PTPRD: variants seen among roughly 807,000 people sequenced by gnomAD.
PTPRD encodes receptor-type tyrosine-protein phosphatase delta.
Under a neutral mutation model 214.5 loss-of-function variants are expected in PTPRD, and 34 were observed. The ratio of observed to expected loss-of-function variants is 0.16; its 90% CI spans 0.12 to 0.21. The LOEUF is 0.21. Ranked by LOEUF, PTPRD falls within the 10% of genes least tolerant of loss-of-function variation. The pLI is 1.00. For missense variants in PTPRD, 2,545 were observed against 2,398.7 expected (o/e 1.06, Z -1.27); for synonymous variants, 1,128 against 845.7 (o/e 1.33, Z -5.79).
At chr9:9,411,130 T>C (rs1278394578) in intron 8 of PTPRD, among the ~76,000 whole-genome samples, 3 of 152,230 alleles carry the variant, frequency 2.0e-5, no homozygotes, top group Admixed American at 1.3e-4. Context: ...TGGGTTTCCA[T>C]CAAAATAGAC....
intron 2 of PTPRD, among the ~76,000 whole-genome samples, chr9:10,498,201 G>A (rs569889600): frequency 2.8e-4 from 42 of 151,916 alleles, no homozygotes; most frequent in Non-Finnish European, 4.3e-4. Flanking sequence ...ATGCCACCAC[G>A]GATTCTGATG....
At chr9:8,482,453 T>TTCATCTA (rs2135659668) in intron 30 of PTPRD, among the ~76,000 whole-genome samples, 1 of 152,088 alleles carries the variant, frequency 6.6e-6, no homozygotes, top group East Asian at 2.0e-4. Flanking sequence ...TCTATCCAAA[T>TTCATCTA]TCCAACAATG....
At chr9:9,615,092 C>G (rs1452549911) in intron 7 of PTPRD, among the ~76,000 whole-genome samples, 2 of 152,156 alleles carry the variant, frequency 1.3e-5, no homozygotes, top group Non-Finnish European at 2.9e-5. Context: ...GTCCCAGCAG[C>G]CACTGGCTCA....
chr9:8,346,957 T>A (rs892363112), intron 39 of PTPRD, among the ~76,000 whole-genome samples: 1 of 152,082 alleles, frequency 6.6e-6, no homozygotes, highest in African/African-American at 2.4e-5. Context: ...AGCACTTAGT[T>A]AAGATGAAAA....
chr9:9,728,213 G>A (rs140547380), intron 7 of PTPRD, among the ~76,000 whole-genome samples: 150 of 152,092 alleles, frequency 9.9e-4, no homozygotes, highest in African/African-American at 3.3e-3. Context: ...CCTCTTTTTC[G>A]TTATAAATTA....
chr9:8,867,542 T>C (rs2154546954), intron 11 of PTPRD, among the ~76,000 whole-genome samples: 1 of 152,180 alleles, frequency 6.6e-6, no homozygotes, highest in East Asian at 1.9e-4. Flanking sequence ...TTTTATTTTT[T>C]CCTTTTCCTT....
rs2096928928 is a variant in PTPRD, at chr9:10,340,980, G to C, written c.-562C>G. On this transcript the variant is annotated 5_prime_UTR_variant, in exon 3 of 46. Coordinates refer to ENST00000381196, the MANE Select transcript of PTPRD (RefSeq NM_002839.4). The stretch of plus-strand genomic sequence containing the variant: ...TTACTTACTAGTTGTGTGACTTTGA[G>C]ACAGGTCCTTTACTTCCTTGATTCT... The C allele has an allele frequency of 6.6e-6, 1 of 151,858 alleles. No homozygotes were observed. The highest frequency in any genetic ancestry group is 1.5e-5 in the Non-Finnish European group (1 of 67,886). The allele number at this position is 151,858 out of a possible 1,614,324, so 9.4% of individuals were successfully genotyped here. A position where few individuals can be genotyped will look rare whatever the true frequency, so the allele number is the denominator to read the frequency against.
At chr9:8,367,083 G>T (rs2080118270) in intron 39 of PTPRD, among the ~76,000 whole-genome samples, 1 of 152,130 alleles carries the variant, frequency 6.6e-6, no homozygotes, top group Non-Finnish European at 1.5e-5. Flanking sequence ...GGTTTGTATG[G>T]TTGGTGACCA....
At chr9:8,647,194 T>C (rs1225813958) in intron 12 of PTPRD, among the ~76,000 whole-genome samples, 1 of 152,214 alleles carries the variant, frequency 6.6e-6, no homozygotes, top group Admixed American at 6.5e-5. Context: ...ATGAATATCA[T>C]TCCACCTCAT....
Position 9,213,005 on chromosome 9 carries a change from T to C in PTPRD, c.-202-29642A>G, listed in dbSNP as rs144470079. Among the ~76,000 whole-genome samples, 639 of 152,296 alleles carry C rather than the reference T, an allele frequency of 4.2e-3. 2 individuals are homozygous for C. The highest frequency in any genetic ancestry group is 0.015 in the African/African-American group (612 of 41,586). On this transcript the variant is annotated intron_variant, in intron 9 of 45. Transcript: ENST00000381196. ...CTCCTATAACTGTGACCTGTTTTTT[T>C]AGGTCAGGTTAAGAGTAAGATGGTG... is the stretch of plus-strand genomic sequence containing the variant.
rs144799871 is a variant in PTPRD at position 10,095,886 on chromosome 9, T to C, written c.-544-62096A>G. Among the ~76,000 whole-genome samples, 590 of 151,724 alleles carry C rather than the reference T, an allele frequency of 3.9e-3. 2 individuals are homozygous for C. Among genetic ancestry groups the C allele is most frequent in the African/African-American group, 0.014 (567 of 41,480 alleles). ...AATATATTAAAGCACAAGGGTCATA[T>C]GTACTTTTTCCTATTAAAAAGTCAG... On this transcript the variant is annotated intron_variant, in intron 3 of 45. Transcript: ENST00000381196.
chr9:8,832,676 A>G (rs972418714), intron 11 of PTPRD, among the ~76,000 whole-genome samples: 11 of 152,058 alleles, frequency 7.2e-5, no homozygotes, highest in African/African-American at 2.7e-4. Context: ...CAGGATCACA[A>G]GACTTCACAA....
intron 2 of PTPRD, among the ~76,000 whole-genome samples, chr9:10,430,924 C>A (rs1182239531): frequency 6.6e-6 from 1 of 151,768 alleles, no homozygotes; most frequent in Admixed American, 6.6e-5. Flanking sequence ...ATATTTTAAG[C>A]TTTTATACAC....
At chr9:10,409,301 T>C (rs998369652) in intron 2 of PTPRD, among the ~76,000 whole-genome samples, 1 of 151,760 alleles carries the variant, frequency 6.6e-6, no homozygotes, top group Admixed American at 6.6e-5. Context: ...GGCACCTTTC[T>C]AAAATTTATA....
Position 10,162,982 on chromosome 9 carries a change from A to G in PTPRD, c.-544-129192T>C, listed in dbSNP as rs1293420298. Among the ~76,000 whole-genome samples, 6 of 151,082 alleles carry G rather than the reference A, an allele frequency of 4.0e-5. No individual in the cohort carries two copies. The Middle Eastern group carries it at 0.01, about 257-fold the overall frequency. On this transcript the variant is annotated intron_variant, in intron 3 of 45. Coordinates refer to ENST00000381196, the MANE Select transcript of PTPRD (RefSeq NM_002839.4). ...CAAAAGGAATATATAATGGAAATCT[A>G]TATCTGTATCTATCTACTACCTATC...
intron 11 of PTPRD, among the ~76,000 whole-genome samples, chr9:8,837,771 GGATTACAAGTGT>G (rs2097465459): frequency 6.6e-6 from 1 of 152,012 alleles, no homozygotes; most frequent in African/African-American, 2.4e-5. Flanking sequence ...CAAAGTGTTG[GGATTACAAGTGT>G]GAGCCACCGC....
chr9:9,970,110 T>G (rs1414514302), intron 4 of PTPRD, among the ~76,000 whole-genome samples: 1 of 152,096 alleles, frequency 6.6e-6, no homozygotes, highest in African/African-American at 2.4e-5. Context: ...GATTATAGGT[T>G]TTATTATTAA....
intron 4 of PTPRD, among the ~76,000 whole-genome samples, chr9:10,000,440 A>C (rs531305704): frequency 8.5e-5 from 13 of 152,280 alleles, no homozygotes; most frequent in Non-Finnish European, 2.9e-5. Flanking sequence ...CATTCTTCCA[A>C]GTACCCTTAA....
intron 11 of PTPRD, among the ~76,000 whole-genome samples, chr9:9,001,901 G>A (rs1476253832): frequency 2.0e-5 from 3 of 148,676 alleles, no homozygotes; most frequent in African/African-American, 7.4e-5. Flanking sequence ...TTGTTCTCAT[G>A]CAATAAGCAC....
Sources: allele counts gnomAD v4.1 joint callset (sites outside exome capture counted in the v4.1 genomes callset), GRCh38; gene constraint gnomAD v4.1.1; transcripts MANE v1.5; gene names NCBI Gene and HGNC (gene_info 2026-07-23, HGNC 2026-07-21).